Variants in NPIPA5 observed in about 807,000 individuals in gnomAD.
The protein encoded by NPIPA5 is nuclear pore complex-interacting protein family member A5.
Under a neutral mutation model 21.4 loss-of-function variants are expected in NPIPA5, and 6 were observed. The observed-to-expected ratio is 0.28, with a 90% confidence interval of 0.15 to 0.55. The LOEUF is 0.55. NPIPA5 is among the 20% of genes least tolerant of loss of function. The pLI is 0.93. For missense variants in NPIPA5, 99 were observed against 318.2 expected (o/e 0.31, Z 5.24); for synonymous variants, 33 against 115.3 (o/e 0.29, Z 4.57).
chr16:15,372,660 A>G (rs372224455), intron 2 of NPIPA5, among the ~76,000 whole-genome samples: 304 of 140,122 alleles, frequency 2.2e-3, no homozygotes, highest in Admixed American at 4.0e-3. Context: ...TTATCTAGGC[A>G]GTAAAACTGA....
At chr16:15,366,915 C>G (rs1396827245) in intron 4 of NPIPA5, among the ~76,000 whole-genome samples, 155 bp from the exon 5 acceptor site, 2 of 151,986 alleles carry the variant, frequency 1.3e-5, no homozygotes, top group Non-Finnish European at 2.9e-5. Flanking sequence ...GAATGGACAC[C>G]TCCCATTGAG....
intron 1 of NPIPA5, among the ~76,000 whole-genome samples, chr16:15,376,717 C>G (rs1014109959): frequency 1.2e-4 from 18 of 152,230 alleles, no homozygotes; most frequent in Admixed American, 2.6e-4. Flanking sequence ...GACATGGAGA[C>G]TATCCTGGCG....
chr16:15,369,322 G>T (rs901197614), intron 4 of NPIPA5, among the ~76,000 whole-genome samples: 1 of 149,818 alleles, frequency 6.7e-6, no homozygotes, highest in African/African-American at 2.5e-5. Flanking sequence ...TGGGCGTGGT[G>T]GTGGGCACCT....
chr16:15,381,049 T>C (rs776098934), upstream of NPIPA5: 3 of 1,527,396 alleles, frequency 2.0e-6, no homozygotes, highest in South Asian at 3.7e-5. Flanking sequence ...CTTCACCATT[T>C]GCAGAATGAG....
intron 4 of NPIPA5, among the ~76,000 whole-genome samples, chr16:15,367,010 T>C (rs1281635916): frequency 6.6e-6 from 1 of 152,112 alleles, no homozygotes; most frequent in African/African-American, 2.4e-5. Context: ...TTAGTCCTAT[T>C]CTTTAGTAAA....
chr16:15,380,126 T>C (rs1306001631), upstream of NPIPA5, among the ~76,000 whole-genome samples: 7 of 151,834 alleles, frequency 4.6e-5, no homozygotes, highest in Admixed American at 2.6e-4. Flanking sequence ...TTTTGTAGAC[T>C]GCACAGAGCA....
At chr16:15,376,529 AT>A (rs2050297752) in intron 1 of NPIPA5, among the ~76,000 whole-genome samples, 2 of 147,682 alleles carry the variant, frequency 1.4e-5, no homozygotes, top group South Asian at 4.4e-4. Context: ...ACTGTCTCAA[AT>A]AAATAAATAA....
chr16:15,372,047 C>T (rs2050168641), intron 2 of NPIPA5, among the ~76,000 whole-genome samples: 1 of 147,998 alleles, frequency 6.8e-6, no homozygotes, highest in African/African-American at 2.5e-5. Flanking sequence ...TGCCATCACA[C>T]ATGAATGCTT....
intron 1 of NPIPA5, among the ~76,000 whole-genome samples, chr16:15,375,524 A>G (rs1223077749): frequency 2.8e-4 from 43 of 151,552 alleles, no homozygotes; most frequent in South Asian, 2.7e-3. Flanking sequence ...TGGGTGGACC[A>G]CGAGATCAGG....
intron 1 of NPIPA5, among the ~76,000 whole-genome samples, chr16:15,375,950 T>C (rs1443631396): frequency 6.7e-6 from 1 of 150,140 alleles, no homozygotes; most frequent in African/African-American, 2.4e-5. Context: ...AACATCTCAA[T>C]TTTAAATGTT....
chr16:15,370,739 CAAACTCTGTCTCAAA>C (rs2050131789), intron 2 of NPIPA5, among the ~76,000 whole-genome samples: 1 of 133,418 alleles, frequency 7.5e-6, no homozygotes, highest in Non-Finnish European at 1.6e-5. Context: ...CAACAAAATT[CAAACTCTGTCTCAAA>C]AAAAAAAAAA....
chr16:15,379,308 A>C (rs62037841), upstream of NPIPA5, among the ~76,000 whole-genome samples: 1 of 151,992 alleles, frequency 6.6e-6, no homozygotes. Flanking sequence ...GGTGGCTCAC[A>C]CCTGTAATCC....
chr16:15,376,861 C>G (rs2050310096), intron 1 of NPIPA5, among the ~76,000 whole-genome samples: 3 of 152,118 alleles, frequency 2.0e-5, no homozygotes, highest in African/African-American at 7.2e-5. Flanking sequence ...GTAATCTGAG[C>G]TACTCAGGAG....
rs1178266777 is a variant in NPIPA5 at position 15,363,957 on chromosome 16, T to G, written c.755A>C (p.Gln252Pro). The G allele has an allele frequency of 1.3e-6, 2 of 1,594,292 alleles. No individual in the cohort carries two copies. The highest frequency in any genetic ancestry group is 1.7e-6 in the Non-Finnish European group (2 of 1,176,558). Residue 252 changes from glutamine (Q) to proline (P), a missense_variant, in exon 8 of 8, where the codon CAA (glutamine) becomes CCA (proline). By Grantham distance (76) the Gln-to-Pro change is moderately conservative. Around this residue, in one of 5 missense-constraint regions of NPIPA5, gnomAD observed 75 missense variants for 138.5 expected, o/e 0.54. Transcript: ENST00000360151. ...RMGHQPPPPTQQHSIIDNSLS... is the reference protein window; with the variant it reads ...RMGHQPPPPTPQHSIIDNSLS... ...GGAGTTATCAATTATAGAATGTTGT[T>G]GAGTTGGAGGAGGTGGCTGGTGGCC...
chr16:15,376,775 C>T (rs2050306385), intron 1 of NPIPA5, among the ~76,000 whole-genome samples: 1 of 151,402 alleles, frequency 6.6e-6, no homozygotes, highest in South Asian at 2.1e-4. Context: ...ATTAGCCAGG[C>T]GTGGTGGCCT....
At chr16:15,376,959 G>A (rs1304285725) in intron 1 of NPIPA5, among the ~76,000 whole-genome samples, 5 of 152,148 alleles carry the variant, frequency 3.3e-5, no homozygotes, top group Admixed American at 6.5e-5. Flanking sequence ...GGGCGACAGA[G>A]TGAGACTCTG....
At chr16:15,370,506 C>A (rs1248991052) in intron 2 of NPIPA5, among the ~76,000 whole-genome samples, 1 of 146,830 alleles carries the variant, frequency 6.8e-6, no homozygotes, top group Non-Finnish European at 1.5e-5. Context: ...AATCCCAGTA[C>A]TTTGGGAGGC....
intron 4 of NPIPA5, 40 bp from the exon 5 acceptor site, chr16:15,366,800 C>T (rs74774801): frequency 0.13 from 200,594 of 1,494,742 alleles, 14,007 homozygotes; most frequent in Non-Finnish European, 0.15. Flanking sequence ...TCCACCAGCC[C>T]GTGTGGGATT....
chr16:15,377,600 CG>C (rs1298459059), intron 1 of NPIPA5, among the ~76,000 whole-genome samples: 18 of 121,222 alleles, frequency 1.5e-4, no homozygotes, highest in South Asian at 1.3e-3. Context: ...GGGAAGGGGA[CG>C]GGGACCGGGG....
Sources: allele counts gnomAD v4.1 joint callset (sites outside exome capture counted in the v4.1 genomes callset), GRCh38; gene constraint gnomAD v4.1.1; regional missense constraint gnomAD v4.1.1; transcripts MANE v1.5; gene names NCBI Gene and HGNC (gene_info 2026-07-23, HGNC 2026-07-21).